The following WDR70 variants were observed in gnomAD, a reference collection of about 807,000 sequenced individuals.
WDR70 encodes WD repeat domain 70, also known as WD repeat-containing protein 70.
WDR70 carries 53 observed loss-of-function variants against 88.6 expected under a neutral mutation model. That is an observed-to-expected ratio of 0.60 (90% CI 0.48 to 0.75). WDR70 has a LOEUF of 0.75. Ranked by LOEUF, WDR70 falls within the 30% of genes least tolerant of loss-of-function variation. The pLI is 0.00. For missense variants in WDR70, 610 were observed against 823.2 expected, an observed-to-expected ratio of 0.74 and a Z score of 3.17; for synonymous variants, 280 against 270.0, an observed-to-expected ratio of 1.04 and a Z score of -0.36.
chr5:37,639,371 GA>G (rs1479037016), intron 10 of WDR70, among the ~76,000 whole-genome samples: 1 of 152,136 alleles, frequency 6.6e-6, no homozygotes, highest in Non-Finnish European at 1.5e-5. Flanking sequence ...TCTATAAAAG[GA>G]AAGACACAAT....
intron 9 of WDR70, among the ~76,000 whole-genome samples, chr5:37,603,845 A>G (rs746421908): frequency 5.9e-5 from 9 of 152,190 alleles, no homozygotes; most frequent in Non-Finnish European, 1.3e-4. Context: ...AGTTTGTAAT[A>G]TACATCTTTA....
chr5:37,600,165 G>A (rs7705089), intron 9 of WDR70, among the ~76,000 whole-genome samples: 70,588 of 151,964 alleles, frequency 0.46, 18,013 homozygotes, highest in Non-Finnish European at 0.58. Flanking sequence ...AAGATAAGCC[G>A]AAGACTTGGG....
At chr5:37,588,019 C>G (rs2112440345) in intron 9 of WDR70, among the ~76,000 whole-genome samples, 1 of 152,164 alleles carries the variant, frequency 6.6e-6, no homozygotes, top group South Asian at 2.1e-4. Context: ...CTGGTTTCTT[C>G]AGGGCCAGGA....
chr5:37,404,650 G>C (rs1041609009), intron 5 of WDR70, among the ~76,000 whole-genome samples: 7 of 151,904 alleles, frequency 4.6e-5, no homozygotes, highest in African/African-American at 1.7e-4. Context: ...TCTCAGAAGG[G>C]CCATGAACAT....
intron 10 of WDR70, among the ~76,000 whole-genome samples, chr5:37,648,997 A>T (rs73749099): frequency 2.1e-3 from 314 of 152,302 alleles, no homozygotes; most frequent in African/African-American, 7.0e-3. Context: ...ACGTAAAGCT[A>T]AAAAGTGTTA....
At chr5:37,433,985 A>G (rs1364245484) in intron 5 of WDR70, among the ~76,000 whole-genome samples, 5 of 152,216 alleles carry the variant, frequency 3.3e-5, no homozygotes, top group African/African-American at 9.6e-5. Flanking sequence ...GAGTAAATGA[A>G]GGTATTAGTT....
chr5:37,750,113 T>C (rs1369078460), intron 17 of WDR70, among the ~76,000 whole-genome samples: 1 of 152,234 alleles, frequency 6.6e-6, no homozygotes, highest in African/African-American at 2.4e-5. Context: ...ATAGAACATT[T>C]CCATCCCACC....
At chr5:37,695,441 A>G (rs925392190) in intron 10 of WDR70, among the ~76,000 whole-genome samples, 9 of 152,046 alleles carry the variant, frequency 5.9e-5, no homozygotes, top group Non-Finnish European at 1.2e-4. Flanking sequence ...GGTTTCTCAC[A>G]TTTCCTATAG....
At chr5:37,716,343 T>A (rs1747655198) in intron 13 of WDR70, among the ~76,000 whole-genome samples, 2 of 152,190 alleles carry the variant, frequency 1.3e-5, no homozygotes, top group Admixed American at 1.3e-4. Flanking sequence ...ATAGTAACAT[T>A]TGTGAACTGG....
chr5:37,697,704 C>T lies in WDR70; in HGVS notation c.1142C>T (p.Thr381Ile). ...YKQAHDSGTD[T>I]SCVTFSYDGN... ...CAGGCTCATGACTCGGGCACAGACA[C>T]TTCTTGCGTGACTTTTTCCTATGAT... is the stretch of plus-strand genomic sequence containing the variant. The change falls in exon 11 of 18, where the codon ACT (threonine) becomes ATT (isoleucine). Residue 381 changes from threonine to isoleucine, a missense_variant. Around this residue, in one of 4 missense-constraint regions of WDR70, gnomAD observed 254 missense variants for 300.7 expected, o/e 0.84. Transcript: ENST00000265107. 1 of 1,613,798 alleles carries T rather than the reference C, an allele frequency of 6.2e-7. No individual in the cohort carries two copies. Among genetic ancestry groups the T allele is most frequent in the Non-Finnish European group, 8.5e-7 (1 of 1,179,770 alleles).
rs1219045551 is a variant in WDR70, at chr5:37,397,507, AAAT to A, written c.492+944_492+946del. Among the ~76,000 whole-genome samples the A allele has an allele frequency of 2.6e-5, 4 of 152,196 alleles. 1 individual carries two copies. Among genetic ancestry groups the A allele is most frequent in the African/African-American group, 4.8e-5 (2 of 41,452 alleles). Reference sequence around the variant, plus strand: ...AAAAATCTATGTATGCATTGTCTGCAAATAATAATGATGATGGGTAAATTTGGG... The same window carrying A: ...AAAAATCTATGTATGCATTGTCTGCAAATAATGATGATGGGTAAATTTGGG... On this transcript the variant is annotated intron_variant, in intron 5 of 17. Transcript: ENST00000265107.
intron 9 of WDR70, among the ~76,000 whole-genome samples, chr5:37,586,477 G>A (rs1743367692): frequency 6.6e-6 from 1 of 151,908 alleles, no homozygotes; most frequent in Non-Finnish European, 1.5e-5. Flanking sequence ...TGTTAAATAG[G>A]TATATACGTG....
At position 37,508,297 on chromosome 5, in the gene WDR70, C is replaced by T. The variant is rs117998516; in HGVS notation, c.841-8217C>T. Among the ~76,000 whole-genome samples the T allele has an allele frequency of 1.6e-4, 25 of 152,206 alleles. No homozygotes were observed. The East Asian group carries it at 4.8e-3, about 29-fold the overall frequency. On this transcript the variant is annotated intron_variant, in intron 8 of 17. Coordinates refer to ENST00000265107, the MANE Select transcript of WDR70 (RefSeq NM_018034.4). The stretch of plus-strand genomic sequence containing the variant: ...CCCTTCTGAAAAAAAGGAATAGATA[C>T]CAGAGCTTTCTGTCTCCTGACCATA...
At chr5:37,485,579 A>G (rs1291757294) in intron 8 of WDR70, among the ~76,000 whole-genome samples, 1 of 152,252 alleles carries the variant, frequency 6.6e-6, no homozygotes, top group East Asian at 1.9e-4. Context: ...TACAGAGAAA[A>G]TAGATGCATT....
intron 10 of WDR70, among the ~76,000 whole-genome samples, chr5:37,676,349 C>A (rs1746207505): frequency 6.6e-6 from 1 of 152,030 alleles, no homozygotes; most frequent in Admixed American, 6.6e-5. Flanking sequence ...TTTGTCCATT[C>A]AGGATGATAT....
chr5:37,751,510 C>T (rs923816064), intron 17 of WDR70, among the ~76,000 whole-genome samples: 2 of 152,114 alleles, frequency 1.3e-5, no homozygotes, highest in African/African-American at 4.8e-5. Flanking sequence ...GCTTTTTCCC[C>T]AGGATAATAA....
chr5:37,734,261 G>A (rs7448783), intron 17 of WDR70, among the ~76,000 whole-genome samples: 121,036 of 152,032 alleles, frequency 0.8, 52,933 homozygotes, highest in East Asian at 1. Flanking sequence ...ATTCTATTAC[G>A]TTAAACCTTA....
rs1741403344 is a variant in WDR70, at chr5:37,529,137, T to C, written c.917+12547T>C. The stretch of plus-strand genomic sequence containing the variant: ...GTCAAAGATCAGTTGGCTGTAAGTT[T>C]TTGATTTTATTTCTGGGTTCTGTAT... On this transcript the variant is annotated intron_variant, in intron 9 of 17. Transcript: ENST00000265107. Among the ~76,000 whole-genome samples the C allele has an allele frequency of 2.6e-5, 4 of 152,096 alleles. No individual in the cohort carries two copies. The South Asian group carries it at 8.3e-4, about 31-fold the overall frequency.
At chr5:37,541,088 C>T (rs1209469858) in intron 9 of WDR70, among the ~76,000 whole-genome samples, 1 of 152,184 alleles carries the variant, frequency 6.6e-6, no homozygotes, top group Admixed American at 6.5e-5. Context: ...TTAACTACCA[C>T]AGAGTTAATT....
Sources: gnomAD v4.1 joint callset for allele counts (sites outside exome capture counted in the v4.1 genomes callset) on GRCh38, gnomAD v4.1.1 for gene constraint, gnomAD v4.1.1 regional missense constraint, MANE v1.5 for transcripts, NCBI Gene and HGNC (gene_info 2026-07-23, HGNC 2026-07-21) for gene names.